Variants in ATP2B2 observed in about 807,000 individuals in gnomAD.
ATP2B2 encodes the protein plasma membrane calcium-transporting ATPase 2.
Under a neutral mutation model 120.0 loss-of-function variants are expected in ATP2B2, and 15 were observed. The ratio of observed to expected loss-of-function variants is 0.12; its 90% CI spans 0.08 to 0.19. ATP2B2 has a LOEUF of 0.19. Among genes scored for constraint, ATP2B2 ranks in the 10% least tolerant of loss-of-function variants. The pLI is 1.00. For synonymous variants in ATP2B2, 694 were observed against 700.3 expected (o/e 0.99, Z 0.14); for missense variants, 1,045 against 1,719.8 (o/e 0.61, Z 6.94).
chr3:10,553,641 T>C (rs2067715166), intron 2 of ATP2B2, among the ~76,000 whole-genome samples: 1 of 152,040 alleles, frequency 6.6e-6, no homozygotes, highest in Non-Finnish European at 1.5e-5. Context: ...ATTGCAGAGC[T>C]GGGGGGGAAA....
chr3:10,417,070 G>A (rs1353550648), intron 2 of ATP2B2, among the ~76,000 whole-genome samples: 8 of 135,388 alleles, frequency 5.9e-5, no homozygotes, highest in African/African-American at 2.4e-4. Context: ...AGACGGCGGC[G>A]GGGGGGGGCG....
chr3:10,602,724 C>T (rs887685033), intron 2 of ATP2B2, among the ~76,000 whole-genome samples: 3 of 152,102 alleles, frequency 2.0e-5, no homozygotes, highest in East Asian at 3.8e-4. Flanking sequence ...AATGGGTAAT[C>T]GCGTGGGTTG....
chr3:10,490,680 T>C (rs1336349774), intron 1 of ATP2B2, among the ~76,000 whole-genome samples: 1 of 152,090 alleles, frequency 6.6e-6, no homozygotes, highest in Non-Finnish European at 1.5e-5. Flanking sequence ...ATTACAGGTG[T>C]GAGCCACCGC....
intron 3 of ATP2B2, among the ~76,000 whole-genome samples, chr3:10,527,779 C>T (rs1003473447): frequency 2.0e-5 from 3 of 152,206 alleles, no homozygotes; most frequent in Non-Finnish European, 2.9e-5. Flanking sequence ...ACCCGGTGTC[C>T]CCGCTGGGTT....
chr3:10,675,077 A>G (rs747757358), intron 1 of ATP2B2, among the ~76,000 whole-genome samples: 5 of 152,182 alleles, frequency 3.3e-5, no homozygotes, highest in Non-Finnish European at 7.3e-5. Context: ...TTCAATTCCT[A>G]TTAAACATTT....
At chr3:10,368,805 A>G (rs1040506240) in intron 12 of ATP2B2, among the ~76,000 whole-genome samples, 2 of 151,864 alleles carry the variant, frequency 1.3e-5, no homozygotes, top group African/African-American at 4.8e-5. Flanking sequence ...CCACCCATCC[A>G]TCTACCTACC....
rs986441742 is a variant in ATP2B2, at chr3:10,522,301, T to C, written c.-320+11738A>G. 5.3e-5 allele frequency among the ~76,000 whole-genome samples: 8 copies of C among 152,106 alleles called. No individual in the cohort carries two copies. In the East Asian group the frequency reaches 1.5e-3, roughly 29 times the overall value. ...GCTGTGCTTATCCCCCTCATCATAA[T>C]AACCCCCTGTGTGAGGCTCAGAGAA... is the stretch of plus-strand genomic sequence containing the variant. On this transcript the variant is annotated intron_variant, in intron 3 of 21. Coordinates refer to the ATP2B2 transcript ENST00000646379.
chr3:10,329,901 G>A lies in ATP2B2; in HGVS notation c.3421-776C>T, dbSNP rs555074988. On this transcript the variant is annotated intron_variant, in intron 22 of 22. Coordinates refer to ENST00000360273, the MANE Select transcript of ATP2B2 (RefSeq NM_001001331.4). The surrounding 1 kb of genome is among the most constrained non-coding windows in gnomAD (Gnocchi z 5.9). Reference sequence around the variant, plus strand: ...ACTTGGAAGCCTGGACAATGTGAACGGAGGTCGTTTGTACCCAGCGTTTCT... The same window carrying A: ...ACTTGGAAGCCTGGACAATGTGAACAGAGGTCGTTTGTACCCAGCGTTTCT... Among the ~76,000 whole-genome samples, 6 of 152,222 alleles carry A rather than the reference G, an allele frequency of 3.9e-5. No homozygotes were observed. Among genetic ancestry groups the A allele is most frequent in the Admixed American group, 1.3e-4 (2 of 15,288 alleles).
chr3:10,379,936 C>T (rs1226493038), intron 8 of ATP2B2, among the ~76,000 whole-genome samples: 1 of 152,110 alleles, frequency 6.6e-6, no homozygotes, highest in Non-Finnish European at 1.5e-5. Flanking sequence ...TGACCCCTTG[C>T]CCAATGCCCC....
At chr3:10,702,794 C>T (rs1227964468) in intron 1 of ATP2B2, among the ~76,000 whole-genome samples, 2 of 152,202 alleles carry the variant, frequency 1.3e-5, no homozygotes, top group Non-Finnish European at 2.9e-5. Context: ...AGCACCTGAG[C>T]TGCTGCTGGA....
chr3:10,552,884 A>G (rs1277487719), intron 2 of ATP2B2, among the ~76,000 whole-genome samples: 1 of 151,984 alleles, frequency 6.6e-6, no homozygotes, highest in Admixed American at 6.5e-5. Flanking sequence ...GTCACTTTCC[A>G]AAGGACTTTC....
chr3:10,629,668 C>T (rs1426559283), intron 1 of ATP2B2, among the ~76,000 whole-genome samples: 1 of 152,154 alleles, frequency 6.6e-6, no homozygotes, highest in South Asian at 2.1e-4. Flanking sequence ...GGGATCCTTC[C>T]TCCAGAGTCC....
intron 22 of ATP2B2, chr3:10,336,259 C>G: frequency 6.4e-7 from 1 of 1,550,588 alleles, no homozygotes. Flanking sequence ...GCAGGGCCCC[C>G]TGAAAGGAGG....
At chr3:10,381,869 G>A (rs1407746256) in intron 8 of ATP2B2, among the ~76,000 whole-genome samples, 1 of 152,146 alleles carries the variant, frequency 6.6e-6, no homozygotes, top group Non-Finnish European at 1.5e-5. Context: ...GAGGATTCCT[G>A]GTAAGCTGAC....
intron 2 of ATP2B2, among the ~76,000 whole-genome samples, chr3:10,579,026 A>G (rs2068321150): frequency 6.6e-6 from 1 of 152,168 alleles, no homozygotes; most frequent in African/African-American, 2.4e-5. Context: ...CCAGGAGTGC[A>G]CTTGAGATTT....
chr3:10,409,659 T>C (rs925582275), intron 3 of ATP2B2, among the ~76,000 whole-genome samples: 6 of 152,198 alleles, frequency 3.9e-5, no homozygotes, highest in African/African-American at 1.4e-4. Flanking sequence ...GTTGGCCTAA[T>C]AGACTTGGTT....
intron 2 of ATP2B2, among the ~76,000 whole-genome samples, chr3:10,547,636 G>A (rs2067579595): frequency 6.6e-6 from 1 of 152,146 alleles, no homozygotes; most frequent in African/African-American, 2.4e-5. Context: ...AGAGAGAGTT[G>A]CCTAAAGCCA....
intron 3 of ATP2B2, among the ~76,000 whole-genome samples, chr3:10,403,331 C>A (rs111490875): frequency 1.3e-5 from 2 of 152,376 alleles, no homozygotes; most frequent in Non-Finnish European, 2.9e-5. Flanking sequence ...AGTGACCCTG[C>A]ATCCCAACCG....
At chr3:10,696,133 G>A (rs1251338815) in intron 1 of ATP2B2, among the ~76,000 whole-genome samples, 1 of 152,148 alleles carries the variant, frequency 6.6e-6, no homozygotes, top group Non-Finnish European at 1.5e-5. Context: ...CACGGTGTTT[G>A]CAGATAAAAA....
Sources: allele counts gnomAD v4.1 joint callset (sites outside exome capture counted in the v4.1 genomes callset), GRCh38; gene constraint gnomAD v4.1.1; non-coding constraint Gnocchi (gnomAD v3.1); transcripts MANE v1.5; gene names NCBI Gene and HGNC (gene_info 2026-07-23, HGNC 2026-07-21).